The following MAP1B variants were observed in gnomAD, a reference collection of about 807,000 sequenced individuals.
MAP1B encodes microtubule-associated protein 1B.
In MAP1B, 12 loss-of-function variants were observed where a neutral mutation model predicts 176.1. The observed-to-expected ratio is 0.07, with a 90% CI of 0.04 to 0.11. The LOEUF is 0.11. Among genes scored for constraint, MAP1B ranks in the 10% least tolerant of loss-of-function variants. The pLI, the probability that MAP1B is intolerant of heterozygous loss-of-function variation, is 1.00. For missense variants in MAP1B, 2,523 were observed against 2,990.5 expected, an observed-to-expected ratio of 0.84 and a Z score of 3.65; for synonymous variants, 1,044 against 1,135.0, an observed-to-expected ratio of 0.92 and a Z score of 1.61.
In MAP1B at chr5:72,186,281, T is replaced by A. The variant is rs1746895567; in HGVS notation, c.370-333T>A. Among the ~76,000 whole-genome samples the A allele has an allele frequency of 6.6e-6, 1 of 152,118 alleles. No homozygotes were observed. The highest frequency in any genetic ancestry group is 1.5e-5 in the Non-Finnish European group (1 of 68,030). The stretch of plus-strand genomic sequence containing the variant: ...ACATTTCTAACAGCTGTGGAACAAA[T>A]GATTACCAGCTGTGAAGACTGCTTT... On this transcript the variant is annotated intron_variant, in intron 3 of 6. Transcript: ENST00000296755. This position sits in a 1 kb window ranked among gnomAD's most constrained non-coding sequence, Gnocchi z 4.3.
chr5:72,201,699 A>G (rs1747336851), intron 5 of MAP1B, among the ~76,000 whole-genome samples: 1 of 152,252 alleles, frequency 6.6e-6, no homozygotes, highest in Non-Finnish European at 1.5e-5. Flanking sequence ...TTATTAGGGA[A>G]AATCTGATAG....
At chr5:72,122,000 C>A (rs1477507016) in intron 2 of MAP1B, among the ~76,000 whole-genome samples, 3 of 152,194 alleles carry the variant, frequency 2.0e-5, no homozygotes, top group Non-Finnish European at 4.4e-5. Context: ...GTACTTGTCC[C>A]CATGCCTGTG....
intron 2 of MAP1B, among the ~76,000 whole-genome samples, chr5:72,151,640 G>A (rs1374334281): frequency 6.6e-6 from 1 of 152,076 alleles, no homozygotes; most frequent in East Asian, 1.9e-4. Context: ...GTCCACAATG[G>A]GTGTGGATTT....
intron 2 of MAP1B, among the ~76,000 whole-genome samples, chr5:72,161,078 C>T (rs1378339706): frequency 2.0e-5 from 3 of 152,182 alleles, no homozygotes; most frequent in African/African-American, 4.8e-5. Context: ...CTGGTACATC[C>T]ACCTTCAAAG....
intron 2 of MAP1B, among the ~76,000 whole-genome samples, chr5:72,135,634 A>T (rs1229044289): frequency 1.3e-5 from 2 of 152,174 alleles, no homozygotes; most frequent in Non-Finnish European, 2.9e-5. Context: ...AACCCTTACA[A>T]TAGTTCTCAG....
Position 72,200,183 on chromosome 5 carries a change from C to T in MAP1B, c.6828C>T (p.Gly2276=). 3 of 1,614,240 alleles carry T rather than the reference C, an allele frequency of 1.9e-6. No homozygotes were observed. The highest frequency in any genetic ancestry group is 2.5e-6 in the Non-Finnish European group (3 of 1,180,052). The change falls in exon 5 of 7, where the codon GGC becomes GGT. Residue 2276 remains glycine, a synonymous_variant. Coordinates refer to ENST00000296755, the MANE Select transcript of MAP1B (RefSeq NM_005909.5). ...TGGCAGCTTCACCAAAACCAGCGGG[C>T]TTGAAAGAATCCTCGGATAAAGTGT... ...KPLAASPKPA[G]LKESSDKVSR...
intron 2 of MAP1B, among the ~76,000 whole-genome samples, chr5:72,177,635 T>C (rs1435350835): frequency 2.6e-5 from 4 of 152,176 alleles, no homozygotes; most frequent in Non-Finnish European, 5.9e-5. Context: ...ACACATTTGC[T>C]TTACCTGCCA....
intron 2 of MAP1B, among the ~76,000 whole-genome samples, chr5:72,177,500 G>A (rs1238889391): frequency 2.0e-5 from 3 of 152,148 alleles, no homozygotes; most frequent in Non-Finnish European, 2.9e-5. Context: ...GGGCCCCAGC[G>A]TTAGTTGCCA....
At position 72,194,070 on chromosome 5, in the gene MAP1B, G is replaced by A. The variant is rs775351695; in HGVS notation, c.715G>A (p.Val239Ile). 1.8e-5 allele frequency: 29 copies of A among 1,614,088 alleles called. No individual in the cohort carries two copies. The highest frequency in any genetic ancestry group is 2.3e-5 in the Non-Finnish European group (27 of 1,180,054). Residue 239 changes from valine (V) to isoleucine (I), a missense_variant, in exon 5 of 7, where the codon GTC (valine) becomes ATC (isoleucine). Physicochemically the swap from Val to Ile is conservative, Grantham distance 29. Around this residue, in one of 4 missense-constraint regions of MAP1B, gnomAD observed 307 missense variants for 438.4 expected, o/e 0.70. Coordinates refer to ENST00000296755, the MANE Select transcript of MAP1B (RefSeq NM_005909.5). This position sits in a 1 kb window ranked among gnomAD's most constrained non-coding sequence, Gnocchi z 7.2. The stretch of plus-strand genomic sequence containing the variant: ...CGAGTATCTCTCAGAATCAGTGGAA[G>A]TCCCATCTCCCTTTGACATCTTGGA... ...FTEYLSESVE[V>I]PSPFDILEPP...
intron 2 of MAP1B, among the ~76,000 whole-genome samples, chr5:72,143,470 A>G (rs1047477982): frequency 6.6e-6 from 1 of 152,218 alleles, no homozygotes; most frequent in Non-Finnish European, 1.5e-5. Context: ...GAGAGGACGT[A>G]TCGGTTTGCC....
chr5:72,158,071 G>C (rs1018182928), intron 2 of MAP1B, among the ~76,000 whole-genome samples: 3 of 143,110 alleles, frequency 2.1e-5, no homozygotes, highest in African/African-American at 5.2e-5. Flanking sequence ...GCAGTGGCAC[G>C]ATCTCAGCTC....
chr5:72,107,593 C>A lies in MAP1B; in HGVS notation c.62C>A (p.Ala21Glu). 1.9e-6 allele frequency: 3 copies of A among 1,593,892 alleles called. No individual in the cohort carries two copies. Among genetic ancestry groups the A allele is most frequent in the East Asian group, 2.3e-5 (1 of 44,394 alleles). Residue 21 changes from alanine (A) to glutamate (E), a missense_variant, in exon 1 of 7, where the codon GCG becomes GAG. Ala to Glu is a moderately radical substitution (Grantham distance 107). This residue lies in a region of MAP1B where 307 missense variants were observed against 438.4 expected (regional missense o/e 0.70). Transcript: ENST00000296755. The part of the protein sequence containing the change: ...PEPSGSIANP[A>E]ASTSPSLSHR... ...CCGTCCGGCAGCATCGCCAACCCGG[C>A]GGCGTCCACCTCGCCTAGCCTGTCG... is the stretch of plus-strand genomic sequence containing the variant.
intron 2 of MAP1B, among the ~76,000 whole-genome samples, chr5:72,164,896 C>T (rs1746395561): frequency 6.6e-6 from 1 of 152,154 alleles, no homozygotes; most frequent in Admixed American, 6.5e-5. Context: ...GTGATATTTA[C>T]CCATGAATGA....
chr5:72,186,469 G>T lies in MAP1B; in HGVS notation c.370-145G>T. The T allele has an allele frequency of 1.1e-6, 1 of 944,958 alleles. No individual in the cohort carries two copies. Among genetic ancestry groups the T allele is most frequent in the Non-Finnish European group, 1.6e-6 (1 of 626,148 alleles). 58.5% of individuals were successfully genotyped at this position (944,958 alleles called of 1,614,324 possible). On this transcript the variant is annotated intron_variant, in intron 3 of 6. Transcript: ENST00000296755. The surrounding 1 kb of genome is among the most constrained non-coding windows in gnomAD (Gnocchi z 4.3). ...CCATTCAACCCTCCCGTGCTCTTCTGGCCTCCAGGAGAAATTAGACCTTTG... is the reference window on the plus strand; with the variant it reads ...CCATTCAACCCTCCCGTGCTCTTCTTGCCTCCAGGAGAAATTAGACCTTTG...
intron 2 of MAP1B, among the ~76,000 whole-genome samples, chr5:72,175,193 TA>T (rs1449428039): frequency 6.8e-4 from 103 of 151,510 alleles, no homozygotes; most frequent in African/African-American, 2.4e-3. Context: ...GCCTCCCGAG[TA>T]GCTGAGATCA....
chr5:72,159,507 C>T (rs1022257994), intron 2 of MAP1B, among the ~76,000 whole-genome samples: 10 of 152,176 alleles, frequency 6.6e-5, no homozygotes, highest in African/African-American at 2.4e-4. Flanking sequence ...CAAGTAAACA[C>T]TGGGCCATCT....
chr5:72,188,700 G>A (rs757926971), intron 4 of MAP1B, among the ~76,000 whole-genome samples: 7 of 152,040 alleles, frequency 4.6e-5, no homozygotes, highest in African/African-American at 9.7e-5. Context: ...GACTGTGCAC[G>A]TGTCAGATTT....
chr5:72,199,123 A>G lies in MAP1B; in HGVS notation c.5768A>G (p.Tyr1923Cys), dbSNP rs1433677367. 2.5e-6 allele frequency: 4 copies of G among 1,614,160 alleles called. No individual in the cohort carries two copies. The highest frequency in any genetic ancestry group is 2.5e-6 in the Non-Finnish European group (3 of 1,180,030). The change falls in exon 5 of 7, where the codon TAT becomes TGT. Residue 1923 changes from tyrosine (Y) to cysteine (C), a missense_variant. Coordinates refer to ENST00000296755, the MANE Select transcript of MAP1B (RefSeq NM_005909.5). The surrounding 1 kb of genome is among the most constrained non-coding windows in gnomAD (Gnocchi z 4.2). ...TCTCCAAGTGACAGTGGCTACTCCTATGAGACCATTGGGAAAACTACCAAG... is the reference window on the plus strand; with the variant it reads ...TCTCCAAGTGACAGTGGCTACTCCTGTGAGACCATTGGGAAAACTACCAAG... ...TKSPSDSGYSYETIGKTTKTP... is the reference protein window; with the variant it reads ...TKSPSDSGYSCETIGKTTKTP...
chr5:72,126,518 C>T (rs1745633500), intron 2 of MAP1B, among the ~76,000 whole-genome samples: 1 of 152,176 alleles, frequency 6.6e-6, no homozygotes, highest in Non-Finnish European at 1.5e-5. Flanking sequence ...ACTTCTATCA[C>T]CACTCTCTCC....
Sources: allele counts gnomAD v4.1 joint callset (sites outside exome capture counted in the v4.1 genomes callset), GRCh38; gene constraint gnomAD v4.1.1; regional missense constraint gnomAD v4.1.1; non-coding constraint Gnocchi (gnomAD v3.1); transcripts MANE v1.5; gene names NCBI Gene and HGNC (gene_info 2026-07-23, HGNC 2026-07-21).